TENM2: variants seen among roughly 807,000 people sequenced by gnomAD.
TENM2 encodes the protein teneurin-2.
TENM2 carries 52 observed loss-of-function variants against 245.2 expected under a neutral mutation model. The ratio of observed to expected loss-of-function variants is 0.21; its 90% CI spans 0.17 to 0.27. TENM2 has a LOEUF of 0.27. Ranked by LOEUF, TENM2 falls within the 10% of genes least tolerant of loss-of-function variation. The probability of loss-of-function intolerance (pLI) is 1.00; values close to 1 mark genes in which losing one functional copy is unlikely to be tolerated. For missense variants in TENM2, 3,046 were observed against 3,666.8 expected, an observed-to-expected ratio of 0.83 and a Z score of 4.37; for synonymous variants, 1,363 against 1,438.9, an observed-to-expected ratio of 0.95 and a Z score of 1.19.
chr5:167,241,134 C>A, the TENM2 span, among the ~76,000 whole-genome samples: 9 of 152,248 alleles, frequency 5.9e-5, no homozygotes, highest in African/African-American at 2.2e-4. Flanking sequence ...TCATTCACAC[C>A]CCAAACCTGA....
chr5:167,982,360 C>T (rs898195762), intron 4 of TENM2, among the ~76,000 whole-genome samples: 4 of 152,214 alleles, frequency 2.6e-5, no homozygotes, highest in African/African-American at 7.2e-5. Flanking sequence ...TGCATCCAAG[C>T]ATCTAGTACC....
At chr5:167,009,879 CT>C in the TENM2 span, among the ~76,000 whole-genome samples, 1 of 152,144 alleles carries the variant, frequency 6.6e-6, no homozygotes, top group Admixed American at 6.5e-5. Context: ...AGAAAAGTAT[CT>C]GAATTGGGAA....
the TENM2 span, among the ~76,000 whole-genome samples, chr5:167,072,512 A>G: frequency 6.6e-6 from 1 of 152,226 alleles, no homozygotes; most frequent in Non-Finnish European, 1.5e-5. Flanking sequence ...TAACCTTGGA[A>G]TGGTGGTAAC....
intron 23 of TENM2, among the ~76,000 whole-genome samples, chr5:168,225,777 AAAG>A (rs1313926330): frequency 4.0e-5 from 6 of 151,766 alleles, no homozygotes; most frequent in African/African-American, 7.2e-5. Context: ...AAAAAAAAAA[AAAG>A]AAAAGAAACA....
intron 2 of TENM2, among the ~76,000 whole-genome samples, chr5:167,846,314 C>T (rs754259864): frequency 2.0e-5 from 3 of 152,250 alleles, no homozygotes; most frequent in Non-Finnish European, 4.4e-5. Flanking sequence ...AGTAAACACA[C>T]ACTACAACAC....
At chr5:168,109,654 CG>C (rs1473668799) in intron 9 of TENM2, among the ~76,000 whole-genome samples, 1 of 152,236 alleles carries the variant, frequency 6.6e-6, no homozygotes, top group Non-Finnish European at 1.5e-5. Flanking sequence ...TCAGGCCTCA[CG>C]CCAGACGTTC....
chr5:167,684,590 CAAAG>C (rs1756951085), intron 2 of TENM2, among the ~76,000 whole-genome samples: 2 of 152,140 alleles, frequency 1.3e-5, no homozygotes, highest in African/African-American at 4.8e-5. Context: ...AGATGGGAAA[CAAAG>C]AGATAATTTA....
chr5:167,565,125 T>C (rs2127648516), intron 2 of TENM2, among the ~76,000 whole-genome samples: 1 of 152,366 alleles, frequency 6.6e-6, no homozygotes, highest in South Asian at 2.1e-4. Flanking sequence ...AGTACCCAAA[T>C]TCTAAATATG....
At chr5:167,720,214 A>T (rs1349288705) in intron 2 of TENM2, among the ~76,000 whole-genome samples, 2 of 152,252 alleles carry the variant, frequency 1.3e-5, no homozygotes, top group Non-Finnish European at 2.9e-5. Context: ...TTAGTTTTTG[A>T]TAGAATATTA....
chr5:167,533,435 G>C (rs6881662), intron 2 of TENM2, among the ~76,000 whole-genome samples: 36,429 of 151,782 alleles, frequency 0.24, 4,957 homozygotes, highest in African/African-American at 0.35. Flanking sequence ...GTTTTTCTTT[G>C]TTTGTTTGTT....
At chr5:167,211,165 A>G in the TENM2 span, among the ~76,000 whole-genome samples, 1 of 152,184 alleles carries the variant, frequency 6.6e-6, no homozygotes, top group Non-Finnish European at 1.5e-5. Flanking sequence ...CTTTCTCACC[A>G]TTCTGCTTTT....
intron 5 of TENM2, among the ~76,000 whole-genome samples, chr5:168,011,146 G>T (rs1244621226): frequency 6.6e-6 from 1 of 152,170 alleles, no homozygotes; most frequent in Non-Finnish European, 1.5e-5. Context: ...TTAATGAGGT[G>T]GTCAGGGTCC....
chr5:167,703,530 C>CAAAAAAAAAAAAAAAA (rs747603141), intron 2 of TENM2, among the ~76,000 whole-genome samples: 3 of 97,172 alleles, frequency 3.1e-5, no homozygotes, highest in African/African-American at 9.7e-5. Flanking sequence ...GAAACCATCT[C>CAAAAAAAAAAAAAAAA]AAAAAAAAAA....
chr5:167,243,362 C>G, the TENM2 span, among the ~76,000 whole-genome samples: 2 of 151,966 alleles, frequency 1.3e-5, no homozygotes, highest in African/African-American at 4.8e-5. Flanking sequence ...TGGTCAGGTT[C>G]CTGCAGGATT....
At chr5:167,057,274 T>A in the TENM2 span, among the ~76,000 whole-genome samples, 1 of 152,224 alleles carries the variant, frequency 6.6e-6, no homozygotes, top group Admixed American at 6.5e-5. Context: ...CTTAGCTTAT[T>A]AATGGTCATT....
intron 2 of TENM2, among the ~76,000 whole-genome samples, chr5:167,640,568 A>G (rs2150246147): frequency 6.6e-6 from 1 of 150,810 alleles, no homozygotes; most frequent in South Asian, 2.1e-4. Flanking sequence ...CAGTGAGCCG[A>G]GATCATACCA....
the TENM2 span, among the ~76,000 whole-genome samples, chr5:167,031,746 G>A: frequency 1.1e-4 from 17 of 152,210 alleles, no homozygotes; most frequent in Non-Finnish European, 2.2e-4. Context: ...TGTATTTTTA[G>A]TAGAGACGGG....
rs535847518 is a variant in TENM2, at chr5:168,154,023, G to A, written c.2423-8588G>A. On this transcript the variant is annotated intron_variant, in intron 12 of 28. Transcript: ENST00000518659. Reference sequence around the variant, plus strand: ...AGCACAGGCCAGGCTGGACTCCAGTGCAACCGGGTGATAACAATTCAGTCA... The same window carrying A: ...AGCACAGGCCAGGCTGGACTCCAGTACAACCGGGTGATAACAATTCAGTCA... 6.6e-5 allele frequency among the ~76,000 whole-genome samples: 10 copies of A among 152,080 alleles called. No individual in the cohort carries two copies. In the South Asian group the frequency reaches 2.1e-3, roughly 32 times the overall value.
At chr5:167,815,398 C>T (rs1766966511) in intron 2 of TENM2, among the ~76,000 whole-genome samples, 1 of 152,100 alleles carries the variant, frequency 6.6e-6, no homozygotes, top group South Asian at 2.1e-4. Context: ...AAATCTAACC[C>T]CCAGATGAGC....
Sources: allele counts gnomAD v4.1 joint callset (sites outside exome capture counted in the v4.1 genomes callset), GRCh38; gene constraint gnomAD v4.1.1; transcripts MANE v1.5; gene names NCBI Gene and HGNC (gene_info 2026-07-23, HGNC 2026-07-21).